Variants in GPHN observed in about 807,000 individuals in gnomAD.
The protein encoded by GPHN is gephyrin.
A neutral mutation model predicts 95.5 loss-of-function variants in GPHN; 17 were observed. The observed-to-expected ratio is 0.18, with a 90% CI of 0.12 to 0.27. GPHN has a LOEUF of 0.27. GPHN is among the 10% of genes least tolerant of loss of function. GPHN has a pLI of 1.00. For synonymous variants in GPHN, 320 were observed against 322.5 expected (o/e 0.99, Z 0.08); for missense variants, 660 against 978.1 (o/e 0.67, Z 4.34).
rs771826863 is a variant in GPHN at position 66,594,677 on chromosome 14, A to G, written c.64+86086A>G. Among the ~76,000 whole-genome samples, 74 of 152,342 alleles carry G rather than the reference A, an allele frequency of 4.9e-4. 1 individual carries two copies. The highest frequency in any genetic ancestry group is 8.7e-4 in the Non-Finnish European group (59 of 68,028). ...ATATATATAAATCATCTCAAAATGG[A>G]TTAAATGCTTAAATGTAAGACCTAA... On this transcript the variant is annotated intron_variant, in intron 1 of 22. Transcript: ENST00000478722.
chr14:66,765,046 C>A (rs2058911366), intron 2 of GPHN, among the ~76,000 whole-genome samples: 1 of 152,076 alleles, frequency 6.6e-6, no homozygotes, highest in South Asian at 2.1e-4. Context: ...GATGTCAGAA[C>A]CACTGTTAAT....
At chr14:67,247,031 T>C in the GPHN span, among the ~76,000 whole-genome samples, 1 of 152,228 alleles carries the variant, frequency 6.6e-6, no homozygotes. Flanking sequence ...TATGACTATT[T>C]TTAGTTCCTT....
At chr14:67,626,277 C>T in the GPHN span, among the ~76,000 whole-genome samples, 1 of 151,798 alleles carries the variant, frequency 6.6e-6, no homozygotes, top group African/African-American at 2.4e-5. Flanking sequence ...AACCACAAAA[C>T]TACAATGAAA....
chr14:66,701,511 C>T (rs141983140), intron 2 of GPHN, among the ~76,000 whole-genome samples: 1 of 152,120 alleles, frequency 6.6e-6, no homozygotes, highest in African/African-American at 2.4e-5. Flanking sequence ...GTGTGATCCA[C>T]GGAGAGAAAG....
chr14:67,059,334 G>A (rs1357514895), intron 11 of GPHN, among the ~76,000 whole-genome samples: 2 of 152,128 alleles, frequency 1.3e-5, no homozygotes, highest in African/African-American at 2.4e-5. Flanking sequence ...ATTCAGCATA[G>A]GAGTTGTATT....
intron 1 of GPHN, among the ~76,000 whole-genome samples, chr14:66,515,702 G>C (rs933399149): frequency 2.6e-5 from 4 of 152,078 alleles, no homozygotes; most frequent in African/African-American, 9.7e-5. Flanking sequence ...TTTAAATGGG[G>C]GTAAGTGTGT....
the GPHN span, among the ~76,000 whole-genome samples, chr14:67,273,268 C>G: frequency 1.3e-5 from 2 of 150,016 alleles, no homozygotes; most frequent in Non-Finnish European, 1.5e-5. Flanking sequence ...GCTCCCCCCT[C>G]CCACCTCCCC....
At chr14:67,304,491 A>C in the GPHN span, among the ~76,000 whole-genome samples, 5 of 152,320 alleles carry the variant, frequency 3.3e-5, no homozygotes, top group South Asian at 4.1e-4. Flanking sequence ...TATATGCTAC[A>C]ACATGGATGA....
At chr14:66,982,892 G>A (rs1238227446) in intron 9 of GPHN, among the ~76,000 whole-genome samples, 1 of 152,132 alleles carries the variant, frequency 6.6e-6, no homozygotes, top group African/African-American at 2.4e-5. Flanking sequence ...GAATAGTAAA[G>A]TCATTCATCT....
rs546718107 is a variant in GPHN at position 67,124,441 on chromosome 14, C to T, written c.1748+2064C>T. Among the ~76,000 whole-genome samples, 25 of 152,124 alleles carry T rather than the reference C, an allele frequency of 1.6e-4. 1 individual carries two copies. In the South Asian group the frequency reaches 5.2e-3, roughly 32 times the overall value. On this transcript the variant is annotated intron_variant, in intron 17 of 22. Coordinates refer to ENST00000478722, the MANE Select transcript of GPHN (RefSeq NM_020806.5). ...AAGAAGGGAAAGTAAAGCCAGTGTA[C>T]AGGAAGGAAAGGGGGGAAAAAGCCA...
At chr14:67,215,621 A>T in the GPHN span, among the ~76,000 whole-genome samples, 1 of 152,170 alleles carries the variant, frequency 6.6e-6, no homozygotes, top group Non-Finnish European at 1.5e-5. Context: ...ATGCAGAAGG[A>T]TAGAGGCAGG....
chr14:66,909,773 T>TA (rs576946717), intron 5 of GPHN, among the ~76,000 whole-genome samples: 127 of 147,960 alleles, frequency 8.6e-4, no homozygotes, highest in African/African-American at 1.9e-3. Context: ...TTGTACAAAG[T>TA]AAAAAAAAAA....
the GPHN span, among the ~76,000 whole-genome samples, chr14:67,206,601 A>G: frequency 1.3e-5 from 2 of 152,202 alleles, no homozygotes; most frequent in African/African-American, 2.4e-5. Context: ...ATAAAATGTT[A>G]AGTGAAAAAG....
intron 21 of GPHN, among the ~76,000 whole-genome samples, chr14:67,171,628 C>G (rs1442032594): frequency 2.0e-5 from 3 of 152,062 alleles, no homozygotes; most frequent in Non-Finnish European, 4.4e-5. Context: ...TAGAGGATAG[C>G]CAACTATAAG....
the GPHN span, among the ~76,000 whole-genome samples, chr14:67,306,909 C>T: frequency 9.9e-5 from 15 of 152,150 alleles, no homozygotes; most frequent in Non-Finnish European, 7.3e-5. Context: ...AGGTCAGCAT[C>T]TGTTGATAGC....
intron 5 of GPHN, among the ~76,000 whole-genome samples, chr14:66,895,315 A>T (rs971532793): frequency 5.9e-5 from 9 of 152,222 alleles, no homozygotes; most frequent in African/African-American, 2.2e-4. Flanking sequence ...CAGTGAGAAC[A>T]CTTGGACACA....
At chr14:67,075,350 A>C (rs2076455843) in intron 11 of GPHN, among the ~76,000 whole-genome samples, 1 of 152,168 alleles carries the variant, frequency 6.6e-6, no homozygotes, top group African/African-American at 2.4e-5. Context: ...TTCAAAATAT[A>C]ACTATTATTG....
intron 1 of GPHN, among the ~76,000 whole-genome samples, chr14:66,524,409 A>G (rs567796945): frequency 6.6e-6 from 1 of 152,296 alleles, no homozygotes; most frequent in African/African-American, 2.4e-5. Context: ...TTTTAGAACT[A>G]TCAGATGCTA....
chr14:66,955,605 G>T (rs1596497875), intron 8 of GPHN, among the ~76,000 whole-genome samples: 1 of 152,082 alleles, frequency 6.6e-6, no homozygotes, highest in East Asian at 1.9e-4. Context: ...CAACATGCAG[G>T]TTTGTTACAT....
Sources: gnomAD v4.1 joint callset for allele counts (sites outside exome capture counted in the v4.1 genomes callset) on GRCh38, gnomAD v4.1.1 for gene constraint, MANE v1.5 for transcripts, NCBI Gene and HGNC (gene_info 2026-07-23, HGNC 2026-07-21) for gene names.